Variants in RAP1GAP2 observed in about 807,000 individuals in gnomAD.
RAP1GAP2 encodes the protein rap1 GTPase-activating protein 2.
RAP1GAP2 carries 27 observed loss-of-function variants against 95.0 expected under a neutral mutation model. That is an observed-to-expected ratio of 0.28 (90% CI 0.21 to 0.39). The LOEUF is 0.39. Among genes scored for constraint, RAP1GAP2 ranks in the 10% least tolerant of loss-of-function variants. RAP1GAP2 has a pLI of 1.00. For synonymous variants in RAP1GAP2, 373 were observed against 380.9 expected (o/e 0.98, Z 0.24); for missense variants, 771 against 970.0 (o/e 0.79, Z 2.72).
intron 2 of RAP1GAP2, among the ~76,000 whole-genome samples, chr17:2,810,965 T>A (rs2069749351): frequency 6.6e-6 from 1 of 152,118 alleles, no homozygotes; most frequent in Non-Finnish European, 1.5e-5. Flanking sequence ...ACAACTTTGC[T>A]CGAAGCTGAC....
intron 3 of RAP1GAP2, among the ~76,000 whole-genome samples, chr17:2,943,389 T>TA (rs2043578184): frequency 6.6e-6 from 1 of 152,154 alleles, no homozygotes; most frequent in Non-Finnish European, 1.5e-5. Flanking sequence ...AAGTGCACTA[T>TA]AGGGGTGGGT....
rs1450616749 is a variant in RAP1GAP2 at position 2,870,319 on chromosome 17, A to G, written c.81-34965A>G. Among the ~76,000 whole-genome samples the G allele has an allele frequency of 1.3e-5, 2 of 151,876 alleles. No individual in the cohort carries two copies. The highest frequency in any genetic ancestry group is 2.9e-5 in the Non-Finnish European group (2 of 67,986). On this transcript the variant is annotated intron_variant, in intron 2 of 24. Coordinates refer to ENST00000254695, the MANE Select transcript of RAP1GAP2 (RefSeq NM_015085.5). The surrounding 1 kb of genome is among the most constrained non-coding windows in gnomAD (Gnocchi z 4.4). ...TTTTTAGTAAATACGGGGTTTTACT[A>G]TGTTGGCCAGGCTGGTCTCAAACTC...
rs563440182 is a variant in RAP1GAP2 at position 3,029,636 on chromosome 17, C to G, written c.2108-1286C>G. The stretch of plus-strand genomic sequence containing the variant: ...ATAGGTTACACAGAGGTGTTGTAGC[C>G]CTGGGTGGAACTCCTCGATTCGAAG... On this transcript the variant is annotated intron_variant, in intron 22 of 24. Coordinates refer to ENST00000254695, the MANE Select transcript of RAP1GAP2 (RefSeq NM_015085.5). The surrounding 1 kb of genome is among the most constrained non-coding windows in gnomAD (Gnocchi z 4.4). 6.6e-6 allele frequency among the ~76,000 whole-genome samples: 1 copy of G among 152,056 alleles called. No homozygotes were observed. The highest frequency in any genetic ancestry group is 2.4e-5 in the African/African-American group (1 of 41,376).
At chr17:2,977,112 A>T (rs2045153795) in intron 8 of RAP1GAP2, among the ~76,000 whole-genome samples, 1 of 151,084 alleles carries the variant, frequency 6.6e-6, no homozygotes, top group Non-Finnish European at 1.5e-5. Context: ...AACAAGAATG[A>T]AACTCCATCT....
chr17:2,807,071 A>T (rs2069553026), intron 2 of RAP1GAP2, among the ~76,000 whole-genome samples: 1 of 149,598 alleles, frequency 6.7e-6, no homozygotes, highest in Non-Finnish European at 1.5e-5. Flanking sequence ...TAATTTTTGT[A>T]TTTTTAGTAG....
Position 2,889,885 on chromosome 17 carries a change from A to ATTTTTTTTTT in RAP1GAP2, c.81-15398_81-15397insTTTTTTTTTT, listed in dbSNP as rs1356255749. On this transcript the variant is annotated intron_variant, in intron 2 of 24. Coordinates refer to ENST00000254695, the MANE Select transcript of RAP1GAP2 (RefSeq NM_015085.5). Reference sequence around the variant, plus strand: ...TGTGTATATATATATATATATATATATATATTTTTTTTTTTTTTTGTAGAG... The same window carrying ATTTTTTTTTT: ...TGTGTATATATATATATATATATATATTTTTTTTTTTATATTTTTTTTTTTTTTTGTAGAG... 8.9e-5 allele frequency among the ~76,000 whole-genome samples: 4 copies of ATTTTTTTTTT among 44,864 alleles called. No homozygotes were observed. The East Asian group carries it at 1.8e-3, about 20-fold the overall frequency. The allele number at this position is 44,864 out of a possible 152,430, so 29.4% of individuals were successfully genotyped here.
intron 2 of RAP1GAP2, among the ~76,000 whole-genome samples, chr17:2,841,608 T>C (rs1394238438): frequency 1.3e-5 from 2 of 151,936 alleles, no homozygotes; most frequent in African/African-American, 4.8e-5. Flanking sequence ...GCCCGGCCGA[T>C]TTGGGGACAT....
rs1267825543 is a variant in RAP1GAP2, at chr17:3,003,941, A to T, written c.1201-1428A>T. Among the ~76,000 whole-genome samples the T allele has an allele frequency of 6.6e-6, 1 of 151,972 alleles. No individual in the cohort carries two copies. Among genetic ancestry groups the T allele is most frequent in the African/African-American group, 2.4e-5 (1 of 41,380 alleles). On this transcript the variant is annotated intron_variant, in intron 14 of 24. Coordinates refer to ENST00000254695, the MANE Select transcript of RAP1GAP2 (RefSeq NM_015085.5). The surrounding 1 kb of genome is among the most constrained non-coding windows in gnomAD (Gnocchi z 4.1). Reference sequence around the variant, plus strand: ...ACTGTCCAGCTGGAGGGTTGGATGGACTTGAGGATGTGTCTGAAGCCACTT... The same window carrying T: ...ACTGTCCAGCTGGAGGGTTGGATGGTCTTGAGGATGTGTCTGAAGCCACTT...
chr17:2,796,655 A>C lies in RAP1GAP2; in HGVS notation c.44+84A>C. The C allele has an allele frequency of 6.8e-7, 1 of 1,468,136 alleles. No homozygotes were observed. The highest frequency in any genetic ancestry group is 9.3e-7 in the Non-Finnish European group (1 of 1,071,520). The allele number at this position is 1,468,136 out of a possible 1,614,324, so 90.9% of individuals were successfully genotyped here. On this transcript the variant is annotated intron_variant, in intron 1 of 24. Transcript: ENST00000254695. This position sits in a 1 kb window ranked among gnomAD's most constrained non-coding sequence, Gnocchi z 4.7. The stretch of plus-strand genomic sequence containing the variant: ...GTTAAGTGCATTGGCGGCCGTGGGA[A>C]CAGAGGGGCTCGGGCTGTGCCTGAG...
chr17:3,024,426 C>A (rs2047043595), intron 19 of RAP1GAP2, among the ~76,000 whole-genome samples: 1 of 152,190 alleles, frequency 6.6e-6, no homozygotes, highest in Admixed American at 6.5e-5. Context: ...GAAATGGAAA[C>A]CCTTGTTCAT....
Position 2,866,761 on chromosome 17 carries a change from G to A in RAP1GAP2, c.81-38523G>A, listed in dbSNP as rs537300562. Among the ~76,000 whole-genome samples the A allele has an allele frequency of 3.3e-5, 5 of 151,288 alleles. No homozygotes were observed. Among genetic ancestry groups the A allele is most frequent in the South Asian group, 2.1e-4 (1 of 4,796 alleles). ...ATTACAGGTGTCCGCCACCAGGTCCGGCTAATTTTTATGTTTTTAGTAGAG... is the reference window on the plus strand; with the variant it reads ...ATTACAGGTGTCCGCCACCAGGTCCAGCTAATTTTTATGTTTTTAGTAGAG... On this transcript the variant is annotated intron_variant, in intron 2 of 24. Coordinates refer to ENST00000254695, the MANE Select transcript of RAP1GAP2 (RefSeq NM_015085.5). This position sits in a 1 kb window ranked among gnomAD's most constrained non-coding sequence, Gnocchi z 4.0.
intron 1 of RAP1GAP2, among the ~76,000 whole-genome samples, chr17:2,763,501 G>A (rs1446392483): frequency 6.6e-6 from 1 of 152,104 alleles, no homozygotes; most frequent in East Asian, 1.9e-4. Flanking sequence ...TTCAAGACCA[G>A]GCTGGCAATC....
chr17:2,777,536 A>G (rs1303664684), intron 1 of RAP1GAP2, among the ~76,000 whole-genome samples: 1 of 152,138 alleles, frequency 6.6e-6, no homozygotes, highest in Non-Finnish European at 1.5e-5. Context: ...TGGGGGGTCC[A>G]GGGCAGGCGT....
Position 2,904,372 on chromosome 17 carries a change from T to C in RAP1GAP2, c.81-912T>C, listed in dbSNP as rs934776327. On this transcript the variant is annotated intron_variant, in intron 2 of 24. Coordinates refer to ENST00000254695, the MANE Select transcript of RAP1GAP2 (RefSeq NM_015085.5). The surrounding 1 kb of genome is among the most constrained non-coding windows in gnomAD (Gnocchi z 4.7). ...AGGGCCAGATGGAAAGTGGGGAGTG[T>C]GTGAGCGCGGCAAACTTGTCGCAGT... 6.6e-6 allele frequency among the ~76,000 whole-genome samples: 1 copy of C among 152,110 alleles called. No homozygotes were observed. Among genetic ancestry groups the C allele is most frequent in the African/African-American group, 2.4e-5 (1 of 41,418 alleles).
At position 2,824,415 on chromosome 17, in the gene RAP1GAP2, C is replaced by T. The variant is rs926033176; in HGVS notation, c.80+23865C>T. Among the ~76,000 whole-genome samples the T allele has an allele frequency of 7.3e-5, 11 of 150,454 alleles. No individual in the cohort carries two copies. The Admixed American group carries it at 7.3e-4, about 10-fold the overall frequency. On this transcript the variant is annotated intron_variant, in intron 2 of 24. Transcript: ENST00000254695. Reference sequence around the variant, plus strand: ...TGAACCGAGATTGTGCCACTGTACTCCAGCCTGGGTGACAGAGCTAGACTC... The same window carrying T: ...TGAACCGAGATTGTGCCACTGTACTTCAGCCTGGGTGACAGAGCTAGACTC...
chr17:2,915,503 G>T (rs1356314248), intron 3 of RAP1GAP2, among the ~76,000 whole-genome samples: 25 of 152,170 alleles, frequency 1.6e-4, no homozygotes, highest in Admixed American at 1.6e-3. Flanking sequence ...CCAAAGTGCT[G>T]GTATTACAGG....
intron 3 of RAP1GAP2, among the ~76,000 whole-genome samples, chr17:2,956,133 G>A (rs766357956): frequency 2.6e-5 from 4 of 152,216 alleles, no homozygotes; most frequent in Non-Finnish European, 5.9e-5. Flanking sequence ...GCCTGGAGAT[G>A]GTAAGAATGC....
At chr17:2,905,183 T>G in intron 2 of RAP1GAP2, 101 bp from the exon 3 acceptor site, 1 of 1,113,216 alleles carries the variant, frequency 9.0e-7, no homozygotes, top group Non-Finnish European at 1.3e-6. Flanking sequence ...CAACCCAGCC[T>G]GCATTGTATG....
chr17:2,816,433 G>T (rs1240184420), intron 2 of RAP1GAP2, among the ~76,000 whole-genome samples: 1 of 151,928 alleles, frequency 6.6e-6, no homozygotes, highest in Non-Finnish European at 1.5e-5. Flanking sequence ...CGCCTTTCGG[G>T]TTCAAGCGAT....
Sources: allele counts gnomAD v4.1 joint callset (sites outside exome capture counted in the v4.1 genomes callset), GRCh38; gene constraint gnomAD v4.1.1; non-coding constraint Gnocchi (gnomAD v3.1); transcripts MANE v1.5; gene names NCBI Gene and HGNC (gene_info 2026-07-23, HGNC 2026-07-21).